Variants in MYRIP observed in about 807,000 individuals in gnomAD.
The protein encoded by MYRIP is myosin VIIA and Rab interacting protein.
A neutral mutation model predicts 98.0 loss-of-function variants in MYRIP; 49 were observed. The observed-to-expected ratio is 0.50, with a 90% CI of 0.40 to 0.63. The LOEUF (loss-of-function observed/expected upper bound fraction) is 0.63, where lower values mean the gene tolerates loss of function less well. MYRIP is among the 30% of genes least tolerant of loss of function. The pLI is 0.00. For missense variants in MYRIP, 1,004 were observed against 1,058.2 expected, an observed-to-expected ratio of 0.95 and a Z score of 0.71; for synonymous variants, 404 against 409.5, an observed-to-expected ratio of 0.99 and a Z score of 0.16.
At chr3:40,034,824 A>G (rs1947341337) in intron 2 of MYRIP, among the ~76,000 whole-genome samples, 1 of 152,024 alleles carries the variant, frequency 6.6e-6, no homozygotes, top group Non-Finnish European at 1.5e-5. Flanking sequence ...GAACCAACCC[A>G]AATGTCCAAC....
intron 2 of MYRIP, among the ~76,000 whole-genome samples, chr3:40,040,253 G>C (rs1947480739): frequency 6.6e-6 from 1 of 151,350 alleles, no homozygotes; most frequent in Non-Finnish European, 1.5e-5. Context: ...GGCCATCAGA[G>C]AAATGCAAAT....
At chr3:39,901,303 A>G (rs1943735942) in intron 2 of MYRIP, among the ~76,000 whole-genome samples, 1 of 152,204 alleles carries the variant, frequency 6.6e-6, no homozygotes, top group African/African-American at 2.4e-5. Flanking sequence ...TCATGCATGT[A>G]CAATGTTCTG....
intron 10 of MYRIP, among the ~76,000 whole-genome samples, chr3:40,191,430 C>T (rs1444779324): frequency 6.6e-6 from 1 of 152,140 alleles, no homozygotes; most frequent in Non-Finnish European, 1.5e-5. Context: ...CCTTGTGGAG[C>T]CCAGCTGCCA....
At chr3:40,092,698 A>G (rs917664504) in intron 3 of MYRIP, among the ~76,000 whole-genome samples, 10 of 152,206 alleles carry the variant, frequency 6.6e-5, no homozygotes, top group African/African-American at 2.2e-4. Context: ...TTTACATAGT[A>G]GGAGATGAGA....
intron 3 of MYRIP, among the ~76,000 whole-genome samples, chr3:40,061,750 G>T (rs1948021212): frequency 6.6e-6 from 1 of 151,684 alleles, no homozygotes; most frequent in Non-Finnish European, 1.5e-5. Flanking sequence ...GCATCTGTTG[G>T]GTTGTTTTTT....
At chr3:40,232,806 A>C (rs930992765) in intron 11 of MYRIP, 1 of 152,242 alleles carries the variant, frequency 6.6e-6, no homozygotes, top group Admixed American at 6.5e-5. Flanking sequence ...TGAGCCATGA[A>C]CATAAAAGCT....
At chr3:40,154,173 A>G (rs908538372) in intron 4 of MYRIP, among the ~76,000 whole-genome samples, 1 of 152,092 alleles carries the variant, frequency 6.6e-6, no homozygotes, top group African/African-American at 2.4e-5. Context: ...GATTCCTTCA[A>G]TTCACACAGT....
At chr3:39,809,368 C>T (rs1453045217), upstream of MYRIP, among the ~76,000 whole-genome samples, 1 of 149,934 alleles carries the variant, frequency 6.7e-6, no homozygotes, top group African/African-American at 2.4e-5. Flanking sequence ...CGCGCGCAGC[C>T]CTGCCCCGCC....
chr3:40,249,608 G>A (rs1953312883), intron 13 of MYRIP, among the ~76,000 whole-genome samples: 1 of 152,100 alleles, frequency 6.6e-6, no homozygotes, highest in Admixed American at 6.5e-5. Context: ...GCACTAAGTG[G>A]GTTCTTACTT....
intron 11 of MYRIP, 40 bp downstream of exon 11, chr3:40,210,133 T>G (rs1433075888): frequency 1.9e-5 from 30 of 1,597,882 alleles, no homozygotes; most frequent in Non-Finnish European, 2.5e-5. Flanking sequence ...CTCAAGCTTC[T>G]GCAGTGGGGT....
intron 1 of MYRIP, among the ~76,000 whole-genome samples, chr3:39,818,947 A>G (rs1239023667): frequency 6.6e-6 from 1 of 152,248 alleles, no homozygotes; most frequent in South Asian, 2.1e-4. Flanking sequence ...TTTTGTGTAT[A>G]TATAAATACC....
At chr3:39,899,656 T>C (rs1405842716) in intron 1 of MYRIP, among the ~76,000 whole-genome samples, 1 of 152,204 alleles carries the variant, frequency 6.6e-6, no homozygotes, top group African/African-American at 2.4e-5. Context: ...AACATGATTG[T>C]ATTACAAAGA....
intron 3 of MYRIP, among the ~76,000 whole-genome samples, chr3:40,050,184 C>T (rs371341001): frequency 2.8e-4 from 42 of 152,228 alleles, no homozygotes; most frequent in African/African-American, 9.9e-4. Flanking sequence ...CAGCCTTTTA[C>T]TGGAAGAAGA....
intron 2 of MYRIP, among the ~76,000 whole-genome samples, chr3:40,023,636 T>A (rs990884221): frequency 2.0e-5 from 3 of 152,020 alleles, no homozygotes; most frequent in African/African-American, 4.8e-5. Flanking sequence ...CCCTTCCACC[T>A]CCAGTCTCAC....
At chr3:39,875,641 T>C (rs1392774589) in intron 1 of MYRIP, among the ~76,000 whole-genome samples, 73 of 147,664 alleles carry the variant, frequency 4.9e-4, no homozygotes, top group African/African-American at 8.6e-4. Flanking sequence ...TTCCATGTAG[T>C]TGAGCAGTTT....
At chr3:40,169,444 T>C (rs1286236554) in intron 7 of MYRIP, among the ~76,000 whole-genome samples, 1 of 152,182 alleles carries the variant, frequency 6.6e-6, no homozygotes, top group Non-Finnish European at 1.5e-5. Flanking sequence ...CGAGCTGGAT[T>C]TGGAGCCATT....
chr3:40,105,320 A>G (rs1253897708), intron 3 of MYRIP, among the ~76,000 whole-genome samples: 1 of 152,230 alleles, frequency 6.6e-6, no homozygotes, highest in Non-Finnish European at 1.5e-5. Context: ...TATGTCCTAC[A>G]TACTGTATTA....
At chr3:39,913,004 C>T (rs748995596) in intron 2 of MYRIP, among the ~76,000 whole-genome samples, 3 of 151,982 alleles carry the variant, frequency 2.0e-5, no homozygotes, top group Non-Finnish European at 4.4e-5. Context: ...TGCACCACTG[C>T]ACTCCAGCCT....
intron 3 of MYRIP, among the ~76,000 whole-genome samples, chr3:40,149,063 G>T (rs145683758): frequency 6.6e-6 from 1 of 152,164 alleles, no homozygotes; most frequent in Non-Finnish European, 1.5e-5. Flanking sequence ...AGCTTCTTCC[G>T]TATTAGTCCA....
Sources: allele counts gnomAD v4.1 joint callset (sites outside exome capture counted in the v4.1 genomes callset), GRCh38; gene constraint gnomAD v4.1.1; transcripts MANE v1.5; gene names NCBI Gene and HGNC (gene_info 2026-07-23, HGNC 2026-07-21).